The following SLC13A3 variants were observed in gnomAD, a reference collection of about 807,000 sequenced individuals.
SLC13A3 encodes the protein Na(+)/dicarboxylate cotransporter 3.
Under a neutral mutation model 59.0 loss-of-function variants are expected in SLC13A3, and 40 were observed. That is an observed-to-expected ratio of 0.68 (90% CI 0.53 to 0.88). The LOEUF (loss-of-function observed/expected upper bound fraction) is 0.88, where lower values mean the gene tolerates loss of function less well. SLC13A3 is among the 40% of genes least tolerant of loss of function. SLC13A3 has a pLI of 0.00. For synonymous variants in SLC13A3, 317 were observed against 330.3 expected (o/e 0.96, Z 0.44); for missense variants, 699 against 783.2 (o/e 0.89, Z 1.28).
chr20:46,587,155 C>T (rs1183327109), intron 8 of SLC13A3, among the ~76,000 whole-genome samples: 1 of 152,162 alleles, frequency 6.6e-6, no homozygotes, highest in Non-Finnish European at 1.5e-5. Context: ...TTTTTGCCCC[C>T]ACTACCCATT....
intron 9 of SLC13A3, among the ~76,000 whole-genome samples, chr20:46,578,357 CA>C (rs982588952): frequency 4.6e-5 from 7 of 151,912 alleles, no homozygotes; most frequent in African/African-American, 1.5e-4. Flanking sequence ...ACTTATATTC[CA>C]GGGGGGAAGT....
intron 3 of SLC13A3, among the ~76,000 whole-genome samples, chr20:46,606,145 T>C: frequency 6.6e-6 from 1 of 152,160 alleles, no homozygotes; most frequent in African/African-American, 2.4e-5. Flanking sequence ...TTCACGGAGC[T>C]TGGAACCTGT....
chr20:46,617,794 C>T (rs2062575623), intron 1 of SLC13A3, among the ~76,000 whole-genome samples: 1 of 152,166 alleles, frequency 6.6e-6, no homozygotes, highest in Non-Finnish European at 1.5e-5. Context: ...ACATTCTGCG[C>T]AAAACTGACT....
At chr20:46,675,082 G>A (rs13044870), upstream of SLC13A3, among the ~76,000 whole-genome samples, 56,728 of 151,640 alleles carry the variant, frequency 0.37, 12,645 homozygotes, top group Non-Finnish European at 0.53. Context: ...CCTGAGATGT[G>A]CGCAAGGCTG....
At chr20:46,622,726 T>A (rs2062629497) in intron 1 of SLC13A3, among the ~76,000 whole-genome samples, 1 of 151,250 alleles carries the variant, frequency 6.6e-6, no homozygotes. Flanking sequence ...ATAGCTTCCC[T>A]GCTAGGGACA....
At chr20:46,655,994 T>C (rs974073641), upstream of SLC13A3, among the ~76,000 whole-genome samples, 5 of 143,740 alleles carry the variant, frequency 3.5e-5, no homozygotes, top group African/African-American at 1.0e-4. Flanking sequence ...TGTATATATG[T>C]ATACTACATA....
intron 1 of SLC13A3, among the ~76,000 whole-genome samples, chr20:46,619,982 C>T (rs959438020): frequency 1.3e-5 from 2 of 152,182 alleles, no homozygotes; most frequent in African/African-American, 4.8e-5. Context: ...ATTCAAGTTT[C>T]TGTCATTTGC....
At chr20:46,669,327 G>A (rs966524031) in intron 1 of SLC13A3, among the ~76,000 whole-genome samples, 4 of 151,676 alleles carry the variant, frequency 2.6e-5, no homozygotes, top group Non-Finnish European at 5.9e-5. Flanking sequence ...GAGACAGGTC[G>A]AGTCCTTTCA....
chr20:46,614,572 T>C (rs1345366208), intron 1 of SLC13A3, among the ~76,000 whole-genome samples: 2 of 152,186 alleles, frequency 1.3e-5, no homozygotes, highest in East Asian at 3.8e-4. Context: ...CTTAGTGCAA[T>C]GCCCAACACA....
chr20:46,640,743 A>C (rs1258268630), intron 1 of SLC13A3, among the ~76,000 whole-genome samples: 1 of 152,092 alleles, frequency 6.6e-6, no homozygotes, highest in African/African-American at 2.4e-5. Context: ...GTTTGGACAC[A>C]CGTGTCTGAC....
chr20:46,561,278 A>G (rs2061928337), intron 12 of SLC13A3, among the ~76,000 whole-genome samples: 1 of 152,154 alleles, frequency 6.6e-6, no homozygotes, highest in African/African-American at 2.4e-5. Context: ...GCCTCCCTAA[A>G]ATGTATAAAA....
In SLC13A3 at chr20:46,644,849, T is replaced by C. The variant is rs547205876; in HGVS notation, c.111+6462A>G. Among the ~76,000 whole-genome samples the C allele has an allele frequency of 2.2e-4, 33 of 152,308 alleles. No individual in the cohort carries two copies. The South Asian group carries it at 3.1e-3, about 14-fold the overall frequency. ...ATGCATCAAAATTCAGAGGGAGACA[T>C]GGGGCTAAACTTCCCAGCCGCTCCT... On this transcript the variant is annotated intron_variant, in intron 1 of 12. Transcript: ENST00000279027.
chr20:46,563,449 C>A lies in SLC13A3; in HGVS notation c.1597G>T (p.Ala533Ser). 6.2e-7 allele frequency: 1 copy of A among 1,614,002 alleles called. No individual in the cohort carries two copies. Among genetic ancestry groups the A allele is most frequent in the Non-Finnish European group, 8.5e-7 (1 of 1,179,986 alleles). The change falls in exon 12 of 13, where the codon GCC (alanine) becomes TCC (serine). Residue 533 changes from alanine to serine, a missense_variant. Physicochemically the swap from Ala to Ser is moderately conservative, Grantham distance 99. Coordinates refer to ENST00000279027, the MANE Select transcript of SLC13A3 (RefSeq NM_022829.6). ...ACCAGCAAGTGTCCAGAGGCGAAGG[C>A]GATGGAGTTGGGGGGCGTTGAGACC... is the stretch of plus-strand genomic sequence containing the variant. ...LPVSTPPNSIAFASGHLLVKD... is the reference protein window; with the variant it reads ...LPVSTPPNSISFASGHLLVKD...
intron 3 of SLC13A3, 78 bp from the exon 4 acceptor site, chr20:46,600,115 C>A: frequency 9.1e-7 from 1 of 1,101,998 alleles, no homozygotes; most frequent in South Asian, 2.1e-5. Flanking sequence ...TGAAGTCAGT[C>A]AAGAATGCTT....
chr20:46,612,124 C>CTTTTTTTTTTTTTTTTTT (rs57019153), intron 2 of SLC13A3, among the ~76,000 whole-genome samples: 6 of 68,934 alleles, frequency 8.7e-5, no homozygotes, highest in Admixed American at 2.0e-4. Context: ...TCTCTCTTTG[C>CTTTTTTTTTTTTTTTTTT]TTTTTTTTTT....
At chr20:46,599,885 G>A in intron 4 of SLC13A3, 86 bp downstream of exon 4, 1 of 1,070,296 alleles carries the variant, frequency 9.3e-7, no homozygotes, top group South Asian at 1.8e-5. Flanking sequence ...AGGGATGGGA[G>A]GAAAATGGTT....
chr20:46,592,863 C>T (rs1218476865), intron 5 of SLC13A3, among the ~76,000 whole-genome samples: 4 of 152,178 alleles, frequency 2.6e-5, no homozygotes, highest in African/African-American at 9.7e-5. Flanking sequence ...GGCTCAGCTG[C>T]TATTTGCTTC....
At position 46,592,497 on chromosome 20, in the gene SLC13A3, C is replaced by G. The variant is rs1220335444; in HGVS notation, c.827G>C (p.Gly276Ala). The change falls in exon 6 of 13, where the codon GGC (glycine) becomes GCC (alanine). Residue 276 changes from glycine (G) to alanine (A), a missense_variant. Physicochemically the swap from Gly to Ala is moderately conservative, Grantham distance 60 (BLOSUM62 0). Coordinates refer to ENST00000279027, the MANE Select transcript of SLC13A3 (RefSeq NM_022829.6). ...AGGGAAGGCGAAAATGAACCAGGAG[C>G]CGAAATTCACCACGTCACACTGCGG... ...FFPQCDVVNF[G>A]SWFIFAFPLM... 5.0e-6 allele frequency: 8 copies of G among 1,613,776 alleles called. No homozygotes were observed. Among genetic ancestry groups the G allele is most frequent in the Non-Finnish European group, 6.8e-6 (8 of 1,179,834 alleles).
intron 1 of SLC13A3, among the ~76,000 whole-genome samples, chr20:46,649,366 G>C (rs1306026127): frequency 6.6e-6 from 1 of 152,122 alleles, no homozygotes; most frequent in African/African-American, 2.4e-5. Context: ...TTGTAAATCT[G>C]TATTCATTTT....
Sources: gnomAD v4.1 joint callset for allele counts (sites outside exome capture counted in the v4.1 genomes callset) on GRCh38, gnomAD v4.1.1 for gene constraint, MANE v1.5 for transcripts, NCBI Gene and HGNC (gene_info 2026-07-23, HGNC 2026-07-21) for gene names.